The following FBLN5 variants were observed in gnomAD, a reference collection of about 807,000 sequenced individuals.
The protein encoded by FBLN5 is fibulin 5, also known as fibulin-5.
FBLN5 carries 24 observed loss-of-function variants against 61.6 expected under a neutral mutation model. The ratio of observed to expected loss-of-function variants is 0.39; its 90% CI spans 0.28 to 0.55. FBLN5 has a LOEUF of 0.55. Among genes scored for constraint, FBLN5 ranks in the 20% least tolerant of loss-of-function variants. FBLN5 has a pLI of 0.65. For missense variants in FBLN5, 470 were observed against 594.1 expected (o/e 0.79, Z 2.17); for synonymous variants, 213 against 219.8 (o/e 0.97, Z 0.27).
intron 3 of FBLN5, among the ~76,000 whole-genome samples, chr14:91,939,000 C>G (rs1408099308): frequency 6.6e-6 from 1 of 152,148 alleles, no homozygotes. Flanking sequence ...AAACGTAAGC[C>G]CAGATTTCCC....
chr14:91,907,388 C>A (rs573249725), intron 4 of FBLN5, among the ~76,000 whole-genome samples: 1 of 152,182 alleles, frequency 6.6e-6, no homozygotes, highest in Non-Finnish European at 1.5e-5. Flanking sequence ...AAATAAAATT[C>A]TCTCCTATCT....
intron 1 of FBLN5, among the ~76,000 whole-genome samples, chr14:91,945,914 T>A (rs913076734): frequency 6.6e-6 from 1 of 152,224 alleles, no homozygotes; most frequent in African/African-American, 2.4e-5. Flanking sequence ...ATAACAAATT[T>A]ATTTTCCAGT....
intron 4 of FBLN5, among the ~76,000 whole-genome samples, chr14:91,935,571 C>T (rs939156633): frequency 4.6e-5 from 7 of 152,152 alleles, no homozygotes; most frequent in Admixed American, 2.0e-4. Context: ...GAGGTCATTT[C>T]CTATAGTTAG....
intron 3 of FBLN5, chr14:91,939,833 C>T: frequency 2.4e-6 from 1 of 414,984 alleles, no homozygotes; most frequent in South Asian, 1.8e-5. Flanking sequence ...TGGAATTAAG[C>T]TTACTAAGCA....
chr14:91,871,032 A>G lies in FBLN5; in HGVS notation c.1186-647T>C, dbSNP rs78870718. ...GGTGGGAGGCAGGAGGAGGGAGGGGATTGAAAAACTACCTACTGGGTACTA... is the reference window on the plus strand; with the variant it reads ...GGTGGGAGGCAGGAGGAGGGAGGGGGTTGAAAAACTACCTACTGGGTACTA... On this transcript the variant is annotated intron_variant, in intron 10 of 10. Coordinates refer to ENST00000342058, the MANE Select transcript of FBLN5 (RefSeq NM_006329.4). Among the ~76,000 whole-genome samples, 983 of 152,210 alleles carry G rather than the reference A, an allele frequency of 6.5e-3. 15 individuals carry two copies. The highest frequency in any genetic ancestry group is 0.023 in the African/African-American group (935 of 41,514).
intron 4 of FBLN5, among the ~76,000 whole-genome samples, chr14:91,904,928 T>G (rs1205259735): frequency 6.6e-6 from 1 of 152,122 alleles, no homozygotes; most frequent in East Asian, 1.9e-4. Context: ...AGAACTTTAT[T>G]CTCAACAATC....
At chr14:91,903,300 G>A (rs1275988480) in intron 4 of FBLN5, among the ~76,000 whole-genome samples, 2 of 152,174 alleles carry the variant, frequency 1.3e-5, no homozygotes, top group Admixed American at 6.5e-5. Context: ...GCCTATGGCT[G>A]CAATGCCTTG....
chr14:91,885,153 A>G (rs1266259081), intron 7 of FBLN5, among the ~76,000 whole-genome samples: 3 of 152,204 alleles, frequency 2.0e-5, no homozygotes, highest in African/African-American at 7.2e-5. Flanking sequence ...GACTCTCTCC[A>G]TCACCCTGTT....
intron 4 of FBLN5, among the ~76,000 whole-genome samples, chr14:91,913,649 C>T (rs563771036): frequency 3.3e-5 from 5 of 152,322 alleles, no homozygotes; most frequent in African/African-American, 4.8e-5. Context: ...ATTCTTCTAA[C>T]GCCTGGTCAA....
At chr14:91,919,390 AAAGGAAGGAAGGAAGGAAGG>A (rs3031540) in intron 4 of FBLN5, among the ~76,000 whole-genome samples, 11 of 99,584 alleles carry the variant, frequency 1.1e-4, no homozygotes, top group South Asian at 3.7e-4. Context: ...AGAAAGAAAG[AAAGGAAGGAAGGAAGGAAGG>A]AAGGAAGGAA....
chr14:91,908,463 T>C (rs1375491791), intron 4 of FBLN5, among the ~76,000 whole-genome samples: 1 of 152,210 alleles, frequency 6.6e-6, no homozygotes, highest in Non-Finnish European at 1.5e-5. Context: ...AAGGTTATCC[T>C]GGTAGTCAGC....
At chr14:91,945,653 G>A (rs1008838384) in intron 1 of FBLN5, among the ~76,000 whole-genome samples, 2 of 152,164 alleles carry the variant, frequency 1.3e-5, no homozygotes, top group African/African-American at 4.8e-5. Flanking sequence ...AGAGGACCTG[G>A]AGTTAAGCTG....
At chr14:91,883,173 C>T (rs531416541) in intron 7 of FBLN5, 97 bp from the exon 8 acceptor site, 47 of 1,388,154 alleles carry the variant, frequency 3.4e-5, no homozygotes, top group African/African-American at 7.1e-5. Flanking sequence ...TGTCTTGATA[C>T]ATACAATGGC....
At chr14:91,909,018 C>T (rs549346079) in intron 4 of FBLN5, among the ~76,000 whole-genome samples, 6 of 152,104 alleles carry the variant, frequency 3.9e-5, no homozygotes, top group South Asian at 4.2e-4. Context: ...CCCGGGTTCA[C>T]GCCATTCTCC....
chr14:91,894,454 G>A (rs1346365498), intron 5 of FBLN5, among the ~76,000 whole-genome samples: 1 of 142,056 alleles, frequency 7.0e-6, no homozygotes, highest in East Asian at 2.1e-4. Flanking sequence ...AAGGCCGTGC[G>A]TGGTGGCTCA....
chr14:91,922,314 GTAAATAAATAAATAAA>G (rs3031542), intron 4 of FBLN5, among the ~76,000 whole-genome samples: 68 of 143,544 alleles, frequency 4.7e-4, no homozygotes, highest in Middle Eastern at 3.6e-3. Flanking sequence ...TAATAATAAA[GTAAATAAATAAATAAA>G]TAAATAAATA....
At chr14:91,903,687 A>G (rs1455275315) in intron 4 of FBLN5, among the ~76,000 whole-genome samples, 1 of 152,140 alleles carries the variant, frequency 6.6e-6, no homozygotes, top group Non-Finnish European at 1.5e-5. Context: ...CTCGGTTAAC[A>G]GTGCCACCGT....
chr14:91,911,004 TAC>T (rs973995875), intron 4 of FBLN5, among the ~76,000 whole-genome samples: 2 of 146,838 alleles, frequency 1.4e-5, no homozygotes, highest in Admixed American at 6.8e-5. Flanking sequence ...TTTTTTTTAA[TAC>T]AGAGTCTCAC....
intron 4 of FBLN5, among the ~76,000 whole-genome samples, chr14:91,904,780 G>C (rs74071611): frequency 6.6e-6 from 1 of 152,194 alleles, no homozygotes; most frequent in Admixed American, 6.5e-5. Flanking sequence ...TTGTAATAAC[G>C]TCACATTGTG....
Sources: gnomAD v4.1 joint callset for allele counts (sites outside exome capture counted in the v4.1 genomes callset) on GRCh38, gnomAD v4.1.1 for gene constraint, MANE v1.5 for transcripts, NCBI Gene and HGNC (gene_info 2026-07-23, HGNC 2026-07-21) for gene names.